The following SERPINB8 variants were observed in gnomAD, a reference collection of about 807,000 sequenced individuals.
The protein encoded by SERPINB8 is serpin B8.
A neutral mutation model predicts 35.3 loss-of-function variants in SERPINB8; 25 were observed. That is an observed-to-expected ratio of 0.71 (90% confidence interval 0.52 to 0.99). SERPINB8 has a LOEUF of 0.99. SERPINB8 is among the 50% of genes least tolerant of loss of function. SERPINB8 has a pLI of 0.00. For synonymous variants in SERPINB8, 186 were observed against 160.8 expected, an observed-to-expected ratio of 1.16 and a Z score of -1.19; for missense variants, 484 against 446.5, an observed-to-expected ratio of 1.08 and a Z score of -0.76.
chr18:64,003,379 C>T (rs1568284751), intron 1 of SERPINB8, among the ~76,000 whole-genome samples: 2 of 151,848 alleles, frequency 1.3e-5, no homozygotes, highest in Non-Finnish European at 2.9e-5. Context: ...CTGGGGAAGC[C>T]GCTGAGGCAG....
In SERPINB8 at chr18:63,981,906, A is replaced by G. The variant is rs1319266292; in HGVS notation, c.424+68A>G. On this transcript the variant is annotated intron_variant, in intron 4 of 6. Coordinates refer to ENST00000397985, the MANE Select transcript of SERPINB8 (RefSeq NM_002640.4). ...CGAGGCTTAGATTGACTGGGATGGG[A>G]CTTCCCAGGGTGTTGCCACTGTGAC... The G allele has an allele frequency of 1.4e-5, 16 of 1,125,444 alleles. No homozygotes were observed. In the South Asian group the frequency reaches 2.0e-4, roughly 14 times the overall value. 69.7% of individuals were successfully genotyped at this position (1,125,444 alleles called of 1,614,324 possible).
At position 63,979,918 on chromosome 18, in the gene SERPINB8, A is replaced by C; in HGVS notation, c.286A>C (p.Lys96Gln). 6.2e-7 allele frequency: 1 copy of C among 1,614,144 alleles called. No homozygotes were observed. Among genetic ancestry groups the C allele is most frequent in the Non-Finnish European group, 8.5e-7 (1 of 1,179,990 alleles). The change falls in exon 3 of 7, where the codon AAG (lysine) becomes CAG (glutamine). Residue 96 changes from lysine to glutamine, a missense_variant. Lys to Gln is a moderately conservative substitution (Grantham distance 53). Coordinates refer to ENST00000397985, the MANE Select transcript of SERPINB8 (RefSeq NM_002640.4). The part of the protein sequence containing the change: ...LRTANRLFGE[K>Q]TCDFLPDFKE... ...AACTGCCAACAGACTCTTTGGAGAA[A>C]AGACGTGTGATTTCCTTCCAGTAAG...
At chr18:64,011,887 T>A (rs1337306343) in intron 7 of SERPINB8, among the ~76,000 whole-genome samples, 2 of 152,162 alleles carry the variant, frequency 1.3e-5, no homozygotes, top group Admixed American at 1.3e-4. Context: ...ACATACCATA[T>A]GAAATAATGC....
intron 1 of SERPINB8, among the ~76,000 whole-genome samples, chr18:63,972,174 C>T (rs2050495083): frequency 1.3e-5 from 2 of 152,260 alleles, no homozygotes; most frequent in Middle Eastern, 3.4e-3. Flanking sequence ...ACACCCTCCT[C>T]CCTCATCACA....
chr18:63,995,551 G>C (rs533532388), intron 1 of SERPINB8, among the ~76,000 whole-genome samples: 2 of 152,296 alleles, frequency 1.3e-5, no homozygotes, highest in African/African-American at 4.8e-5. Flanking sequence ...TCTTGGTATA[G>C]ATGTATTGTC....
chr18:63,996,547 C>T (rs893772536), intron 1 of SERPINB8, among the ~76,000 whole-genome samples: 3 of 152,208 alleles, frequency 2.0e-5, no homozygotes, highest in Non-Finnish European at 2.9e-5. Flanking sequence ...CCTAAATTCC[C>T]CACATAGCTG....
chr18:64,004,292 C>G (rs954301020), intron 1 of SERPINB8, among the ~76,000 whole-genome samples: 1 of 152,070 alleles, frequency 6.6e-6, no homozygotes, highest in African/African-American at 2.4e-5. Flanking sequence ...TCAGTATTTG[C>G]TTAGCATGGC....
downstream of SERPINB8, among the ~76,000 whole-genome samples, chr18:63,992,563 T>C (rs921793100): frequency 1.1e-4 from 17 of 152,346 alleles, no homozygotes; most frequent in African/African-American, 3.8e-4. Context: ...TTTGGTTTCA[T>C]TGATTTTCAC....
At chr18:64,007,598 A>G (rs2050906051), downstream of SERPINB8, among the ~76,000 whole-genome samples, 1 of 152,238 alleles carries the variant, frequency 6.6e-6, no homozygotes, top group Non-Finnish European at 1.5e-5. Flanking sequence ...TACAGGTTGT[A>G]CAGGATTCTG....
At chr18:64,000,144 C>T (rs540283828) in intron 1 of SERPINB8, among the ~76,000 whole-genome samples, 39 of 152,254 alleles carry the variant, frequency 2.6e-4, no homozygotes, top group African/African-American at 8.9e-4. Context: ...TGGAAGAGTC[C>T]GGCTCTCTAA....
chr18:63,981,704 G>A lies in SERPINB8; in HGVS notation c.307-17G>A, dbSNP rs2050673534. On this transcript the variant is annotated splice_polypyrimidine_tract_variant and intron_variant, in intron 3 of 6. Coordinates refer to ENST00000397985, the MANE Select transcript of SERPINB8 (RefSeq NM_002640.4). ...CCTTTACCAAATGAGACTAAACTCA[G>A]TGTTTTGTGTTTGCAGGACTTTAAA... The A allele has an allele frequency of 1.3e-6, 2 of 1,528,172 alleles. No individual in the cohort carries two copies. The highest frequency in any genetic ancestry group is 1.8e-6 in the Non-Finnish European group (2 of 1,108,044). 94.7% of individuals were successfully genotyped at this position (1,528,172 alleles called of 1,614,324 possible). A position where few individuals can be genotyped will look rare whatever the true frequency, so the allele number is the denominator to read the frequency against.
chr18:64,009,045 AT>A (rs1371787882), downstream of SERPINB8, among the ~76,000 whole-genome samples: 4 of 152,220 alleles, frequency 2.6e-5, no homozygotes, highest in Admixed American at 2.0e-4. Context: ...AGCAATTTGC[AT>A]TTTTATGCAT....
intron 6 of SERPINB8, chr18:63,986,588 A>C (rs2050758403): frequency 2.3e-6 from 3 of 1,312,450 alleles, no homozygotes; most frequent in African/African-American, 3.0e-5. Flanking sequence ...ACTGTTAAAA[A>C]ATGTTTTTAA....
chr18:64,002,777 G>T (rs1164536246), intron 1 of SERPINB8, among the ~76,000 whole-genome samples: 1 of 152,124 alleles, frequency 6.6e-6, no homozygotes, highest in African/African-American at 2.4e-5. Context: ...CTCCCAGGAG[G>T]TAGGGACTCA....
At chr18:63,991,518 G>C (rs2050824825), downstream of SERPINB8, among the ~76,000 whole-genome samples, 1 of 151,984 alleles carries the variant, frequency 6.6e-6, no homozygotes, top group Non-Finnish European at 1.5e-5. Context: ...ATTAATTGTT[G>C]CTAGTATATG....
intron 1 of SERPINB8, among the ~76,000 whole-genome samples, chr18:63,973,567 A>G (rs1400131060): frequency 6.6e-6 from 1 of 152,212 alleles, no homozygotes; most frequent in African/African-American, 2.4e-5. Flanking sequence ...GTCCTTGCCC[A>G]TGGCTATGTC....
At chr18:63,992,275 A>G (rs747313424), downstream of SERPINB8, among the ~76,000 whole-genome samples, 30 of 152,108 alleles carry the variant, frequency 2.0e-4, no homozygotes, top group Admixed American at 5.2e-4. Context: ...TTGCAACTCT[A>G]TTTTCATTAA....
chr18:64,012,643 T>C (rs568835607), intron 7 of SERPINB8, among the ~76,000 whole-genome samples: 9 of 152,246 alleles, frequency 5.9e-5, no homozygotes, highest in African/African-American at 1.9e-4. Context: ...TCAAAATTTT[T>C]AATATTCCTG....
intron 7 of SERPINB8, among the ~76,000 whole-genome samples, chr18:64,011,252 A>G (rs2050924689): frequency 6.6e-6 from 1 of 152,110 alleles, no homozygotes; most frequent in Non-Finnish European, 1.5e-5. Context: ...AATGATAGGC[A>G]AAGATGTATC....
Sources: gnomAD v4.1 joint callset for allele counts (sites outside exome capture counted in the v4.1 genomes callset) on GRCh38, gnomAD v4.1.1 for gene constraint, MANE v1.5 for transcripts, NCBI Gene and HGNC (gene_info 2026-07-23, HGNC 2026-07-21) for gene names.